The following MB variants were observed in gnomAD, a reference collection of about 807,000 sequenced individuals.
The protein encoded by MB is nitrite reductase MB.
Under a neutral mutation model 14.5 loss-of-function variants are expected in MB, and 10 were observed. The ratio of observed to expected loss-of-function variants is 0.69; its 90% CI spans 0.43 to 1.17. The LOEUF (loss-of-function observed/expected upper bound fraction) is 1.17. Ranked by LOEUF, MB falls within the 50% of genes most tolerant of loss-of-function variation. The pLI is 0.00. For missense variants in MB, 169 were observed against 192.7 expected, an observed-to-expected ratio of 0.88 and a Z score of 0.73; for synonymous variants, 89 against 78.6, an observed-to-expected ratio of 1.13 and a Z score of -0.70.
At chr22:35,607,479 G>T (rs780671691) in intron 2 of MB, 36 bp from the exon 3 acceptor site, 5 of 1,604,854 alleles carry the variant, frequency 3.1e-6, no homozygotes, top group Admixed American at 1.7e-5. Context: ...TGGTCACCAG[G>T]GTGGGACAAG....
Position 35,610,876 on chromosome 22 carries a change from G to GA in MB, c.318+7_318+8insT, listed in dbSNP as rs1555917346. ...GCATCCTCCCACCTGCCCAGGCTCT[G>GA]CTCCTACCTCCAGGTACTTCACGGG... On this transcript the variant is annotated splice_region_variant and intron_variant, in intron 2 of 2. Transcript: ENST00000397326. The GA allele has an allele frequency of 6.2e-7, 1 of 1,613,152 alleles. No individual in the cohort carries two copies. Among genetic ancestry groups the GA allele is most frequent in the South Asian group, 1.1e-5 (1 of 90,984 alleles).
At chr22:35,607,464 G>A in intron 2 of MB, 21 bp from the exon 3 acceptor site, 5 of 1,610,000 alleles carry the variant, frequency 3.1e-6, no homozygotes, top group Non-Finnish European at 4.2e-6. Flanking sequence ...GGTGAGGAGA[G>A]AAAATGGTCA....
At chr22:35,615,081 C>T (rs911210044) in intron 1 of MB, among the ~76,000 whole-genome samples, 1 of 152,154 alleles carries the variant, frequency 6.6e-6, no homozygotes, top group Non-Finnish European at 1.5e-5. Flanking sequence ...TGTTTGTGTA[C>T]GTGCAGTGAA....
exon 1 of MB, chr22:35,623,281 C>G (rs559581760): frequency 6.6e-6 from 1 of 152,436 alleles, no homozygotes; most frequent in African/African-American, 2.4e-5. Flanking sequence ...AAGAACTGGT[C>G]TAATTTGGAG....
intron 1 of MB, chr22:35,623,130 C>G (rs898010888): frequency 5.9e-5 from 9 of 152,348 alleles, no homozygotes; most frequent in African/African-American, 1.9e-4. Flanking sequence ...GCAGGAGACA[C>G]TTTTACAAGC....
chr22:35,620,574 G>A (rs1357499540), upstream of MB, among the ~76,000 whole-genome samples: 1 of 152,210 alleles, frequency 6.6e-6, no homozygotes, highest in Non-Finnish European at 1.5e-5. Context: ...GTGTGAGAGA[G>A]GAGGGCAGAA....
At chr22:35,616,112 A>T (rs1293099207) in intron 1 of MB, among the ~76,000 whole-genome samples, 1 of 152,220 alleles carries the variant, frequency 6.6e-6, no homozygotes, top group East Asian at 1.9e-4. Flanking sequence ...TTAAAGTGCC[A>T]AAGACAATCC....
intron 1 of MB, among the ~76,000 whole-genome samples, chr22:35,612,497 G>A (rs1922708881): frequency 6.6e-6 from 1 of 152,150 alleles, no homozygotes. Context: ...TCCACCTCCT[G>A]GGTTTGAGCA....
intron 1 of MB, among the ~76,000 whole-genome samples, chr22:35,616,598 C>T (rs1422032154): frequency 6.6e-6 from 1 of 152,178 alleles, no homozygotes; most frequent in South Asian, 2.1e-4. Context: ...ATTCTCACAT[C>T]TCCTCTAGGA....
intron 2 of MB, among the ~76,000 whole-genome samples, chr22:35,610,653 G>A (rs1350778572): frequency 2.0e-5 from 3 of 152,158 alleles, no homozygotes; most frequent in Admixed American, 6.5e-5. Flanking sequence ...GTAATAAGAT[G>A]TGAATTTGGC....
chr22:35,610,652 T>C lies in MB; in HGVS notation c.318+232A>G, dbSNP rs75813706. ...CTCCCTTTCCTCTTTGGTAATAAGATGTGAATTTGGCATACTAAATTAAAA... is the reference window on the plus strand; with the variant it reads ...CTCCCTTTCCTCTTTGGTAATAAGACGTGAATTTGGCATACTAAATTAAAA... On this transcript the variant is annotated intron_variant, in intron 2 of 2. Transcript: ENST00000397326. Among the ~76,000 whole-genome samples the C allele has an allele frequency of 6.8e-3, 1,041 of 152,298 alleles. 5 individuals carry two copies. The highest frequency in any genetic ancestry group is 0.015 in the Admixed American group (234 of 15,296).
Position 35,607,457 on chromosome 22 carries a change from G to T in MB, c.319-14C>A. 6.2e-7 allele frequency: 1 copy of T among 1,611,668 alleles called. No individual in the cohort carries two copies. The highest frequency in any genetic ancestry group is 8.5e-7 in the Non-Finnish European group (1 of 1,178,174). ...TTCCGAGATGAACTGCAGGGAGGGTGAGGAGAGAAAATGGTCACCAGGGTG... is the reference window on the plus strand; with the variant it reads ...TTCCGAGATGAACTGCAGGGAGGGTTAGGAGAGAAAATGGTCACCAGGGTG... On this transcript the variant is annotated splice_polypyrimidine_tract_variant and intron_variant, in intron 2 of 2. Coordinates refer to ENST00000397326, the MANE Select transcript of MB (RefSeq NM_005368.3).
chr22:35,618,691 A>G (rs562944553), upstream of MB, among the ~76,000 whole-genome samples: 17 of 151,760 alleles, frequency 1.1e-4, no homozygotes, highest in Non-Finnish European at 1.9e-4. Context: ...GCATTCATTC[A>G]TCTATCCATC....
At chr22:35,619,362 G>A (rs1259377658), upstream of MB, among the ~76,000 whole-genome samples, 8 of 152,180 alleles carry the variant, frequency 5.3e-5, no homozygotes, top group East Asian at 1.9e-4. Flanking sequence ...GCACCACCCC[G>A]CTTTACAGCT....
rs776706978 is a variant in MB, at chr22:35,607,370, G to GC, written c.391dup (p.Ala131GlyfsTer49). 6.2e-7 allele frequency: 1 copy of GC among 1,614,144 alleles called. No individual in the cohort carries two copies. Among genetic ancestry groups the GC allele is most frequent in the South Asian group, 1.1e-5 (1 of 91,084 alleles). Reference sequence around the variant, plus strand: ...GAACAGCTCCAGGGCCTTGTTCATGGCCCCCTGGGCATCAGCACCAAAGTC... The same window carrying GC: ...GAACAGCTCCAGGGCCTTGTTCATGGCCCCCCTGGGCATCAGCACCAAAGTC... On this transcript the variant is annotated frameshift_variant, in exon 3 of 3. Coordinates refer to ENST00000397326, the MANE Select transcript of MB (RefSeq NM_005368.3). LOFTEE classifies it high-confidence loss of function.
At chr22:35,617,538 G>C (rs981859970), upstream of MB, 2 of 417,090 alleles carry the variant, frequency 4.8e-6, no homozygotes. Flanking sequence ...CAGGCCACAG[G>C]GGGTGGGGTG....
chr22:35,617,423 CACTT>C, upstream of MB: 1 of 604,614 alleles, frequency 1.7e-6, no homozygotes, highest in Non-Finnish European at 3.0e-6. Context: ...TGCCCTCCTT[CACTT>C]TCTCTCTCTC....
intron 2 of MB, 27 bp from the exon 3 acceptor site, chr22:35,607,470 G>T (rs756873633): frequency 1.9e-6 from 3 of 1,608,498 alleles, no homozygotes; most frequent in Non-Finnish European, 2.6e-6. Context: ...GAGAGAAAAT[G>T]GTCACCAGGG....
Position 35,610,814 on chromosome 22 carries a change from G to A in MB, c.318+70C>T, listed in dbSNP as rs531932380. The stretch of plus-strand genomic sequence containing the variant: ...CAAGTTAGTGGCTGAGCTTGGACTC[G>A]AACCCAGATCCCATTGCCCCACCCG... On this transcript the variant is annotated intron_variant, in intron 2 of 2. Transcript: ENST00000397326. The A allele has an allele frequency of 1.4e-4, 180 of 1,266,634 alleles. 1 individual carries two copies. The Admixed American group carries it at 1.7e-3, about 12-fold the overall frequency. The allele number at this position is 1,266,634 out of a possible 1,614,324, so 78.5% of individuals were successfully genotyped here. A position where few individuals can be genotyped will look rare whatever the true frequency, so the allele number is the denominator to read the frequency against.
Sources: allele counts gnomAD v4.1 joint callset (sites outside exome capture counted in the v4.1 genomes callset), GRCh38; gene constraint gnomAD v4.1.1; transcripts MANE v1.5; gene names NCBI Gene and HGNC (gene_info 2026-07-23, HGNC 2026-07-21).